Variants in PRR5L observed in about 807,000 individuals in gnomAD.
The protein encoded by PRR5L is proline-rich protein 5-like.
In PRR5L, 21 loss-of-function variants were observed where a neutral mutation model predicts 36.4. The observed-to-expected ratio is 0.58, with a 90% confidence interval of 0.41 to 0.83. PRR5L has a LOEUF of 0.83. PRR5L is among the 40% of genes least tolerant of loss of function. PRR5L has a pLI of 0.00. For synonymous variants in PRR5L, 188 were observed against 197.0 expected (o/e 0.95, Z 0.38); for missense variants, 381 against 473.3 (o/e 0.80, Z 1.81).
At chr11:36,311,472 G>T (rs189558355) in intron 1 of PRR5L, among the ~76,000 whole-genome samples, 1 of 152,228 alleles carries the variant, frequency 6.6e-6, no homozygotes, top group East Asian at 1.9e-4. Flanking sequence ...AGGCTATGCT[G>T]GGTTGAATTT....
chr11:36,411,218 C>T (rs1487643723), intron 3 of PRR5L, among the ~76,000 whole-genome samples: 1 of 152,196 alleles, frequency 6.6e-6, no homozygotes, highest in Non-Finnish European at 1.5e-5. Flanking sequence ...CACTTCCGCG[C>T]TTGCCCACTC....
intron 1 of PRR5L, among the ~76,000 whole-genome samples, chr11:36,337,313 C>T (rs1856777847): frequency 6.6e-6 from 1 of 152,154 alleles, no homozygotes; most frequent in Non-Finnish European, 1.5e-5. Context: ...CTACTTGCCC[C>T]TTCCGGCTTC....
At position 36,419,277 on chromosome 11, in the gene PRR5L, G is replaced by A; in HGVS notation, c.268G>A (p.Gly90Arg). ...CAGGCGGCTGTTGAAGAGTGAACTT[G>A]GATCATTCATTACAGACTATTTTCA... ...NIRRLLKSEL[G>R]SFITDYFQNQ... The change falls in exon 4 of 9, where the codon GGA (glycine) becomes AGA (arginine). Residue 90 changes from glycine (G) to arginine (R), a missense_variant. Physicochemically the swap from Gly to Arg is moderately radical, Grantham distance 125. Coordinates refer to ENST00000530639, the MANE Select transcript of PRR5L (RefSeq NM_001160167.2). The A allele has an allele frequency of 6.2e-7, 1 of 1,614,064 alleles. No individual in the cohort carries two copies. The highest frequency in any genetic ancestry group is 8.5e-7 in the Non-Finnish European group (1 of 1,179,938).
rs866924836 is a variant in PRR5L, at chr11:36,403,350, G to A, written c.217G>A (p.Glu73Lys). ...VFKGGGLQSN[E>K]LYALNENIRR... ...CAAAGGGGGTGGCTTGCAAAGCAAC[G>A]AGCTCTATGCCCTGAACGAAAACAT... The change falls in exon 3 of 9, where the codon GAG (glutamate) becomes AAG (lysine). Residue 73 changes from glutamate to lysine, a missense_variant. Physicochemically the swap from Glu to Lys is moderately conservative, Grantham distance 56. Coordinates refer to ENST00000530639, the MANE Select transcript of PRR5L (RefSeq NM_001160167.2). The A allele has an allele frequency of 3.7e-6, 6 of 1,614,102 alleles. No homozygotes were observed. The highest frequency in any genetic ancestry group is 4.5e-5 in the East Asian group (2 of 44,876).
intron 6 of PRR5L, among the ~76,000 whole-genome samples, chr11:36,442,234 T>C (rs1858737025): frequency 6.6e-6 from 1 of 152,242 alleles, no homozygotes; most frequent in Non-Finnish European, 1.5e-5. Flanking sequence ...TTTTATGCTC[T>C]GTTTTCCTTT....
chr11:36,401,128 C>A lies in PRR5L; in HGVS notation c.7C>A (p.Arg3Ser). MT[R>S]GFAPILPVEF... ...TGAACTGTCACCAGGACTTATGACC[C>A]GCGGCTTCGCTCCCATTCTGCCCGT... is the stretch of plus-strand genomic sequence containing the variant. Residue 3 changes from arginine to serine, a missense_variant, in exon 2 of 9, where the codon CGC (arginine) becomes AGC (serine). By Grantham distance (110) the Arg-to-Ser change is moderately radical (BLOSUM62 -1). Transcript: ENST00000530639. 17 of 1,614,062 alleles carry A rather than the reference C, an allele frequency of 1.1e-5. No individual in the cohort carries two copies. The highest frequency in any genetic ancestry group is 1.4e-5 in the Non-Finnish European group (17 of 1,179,968).
At chr11:36,457,056 G>A (rs1210561816) in intron 8 of PRR5L, among the ~76,000 whole-genome samples, 4 of 152,198 alleles carry the variant, frequency 2.6e-5, no homozygotes, top group Non-Finnish European at 4.4e-5. Flanking sequence ...GCCCTCCAAG[G>A]ATCACTGGAG....
chr11:36,329,213 G>C (rs979125253), intron 1 of PRR5L: 1 of 152,102 alleles, frequency 6.6e-6, no homozygotes, highest in Non-Finnish European at 1.5e-5. Context: ...TTATCGTCAT[G>C]GTTATTTCCT....
chr11:36,428,844 G>A (rs924086417), intron 4 of PRR5L, among the ~76,000 whole-genome samples: 9 of 151,970 alleles, frequency 5.9e-5, no homozygotes, highest in Non-Finnish European at 8.8e-5. Flanking sequence ...AAATGTGTGT[G>A]ACCAATTGAT....
rs144327827 is a variant in PRR5L at position 36,323,732 on chromosome 11, C to T, written c.-126+27294C>T. ...CTGTTAAGCATTGGGAGAAGGCCTA[C>T]TAAAAATTATTTGAAGGTTGTGAGC... On this transcript the variant is annotated intron_variant, in intron 1 of 8. Transcript: ENST00000530639. 4.5e-3 allele frequency among the ~76,000 whole-genome samples: 680 copies of T among 152,286 alleles called. 2 individuals carry two copies. Among genetic ancestry groups the T allele is most frequent in the Non-Finnish European group, 7.4e-3 (502 of 68,018 alleles).
intron 3 of PRR5L, among the ~76,000 whole-genome samples, chr11:36,409,300 G>A (rs926010754): frequency 5.9e-5 from 9 of 152,170 alleles, no homozygotes; most frequent in Admixed American, 5.9e-4. Context: ...GAAGTTTCCG[G>A]AAACCAGAGA....
At chr11:36,391,808 T>G (rs1215889193) in intron 1 of PRR5L, among the ~76,000 whole-genome samples, 2 of 152,238 alleles carry the variant, frequency 1.3e-5, no homozygotes, top group Admixed American at 6.5e-5. Context: ...CTTCAAGCAT[T>G]TCTCCTTTCT....
In PRR5L at chr11:36,354,291, T is replaced by G. The variant is rs1385488095; in HGVS notation, c.-125-46706T>G. On this transcript the variant is annotated intron_variant, in intron 1 of 8. Transcript: ENST00000530639. ...AAACATGGAACAAACCTATGGAAGC[T>G]GCTCTAGTTATCTTTCAGTTTATAC... 2.6e-5 allele frequency among the ~76,000 whole-genome samples: 4 copies of G among 152,360 alleles called. No homozygotes were observed. The East Asian group carries it at 5.8e-4, about 22-fold the overall frequency.
chr11:36,336,053 G>A lies in PRR5L; in HGVS notation c.-126+39615G>A, dbSNP rs891872161. On this transcript the variant is annotated intron_variant, in intron 1 of 8. Coordinates refer to ENST00000530639, the MANE Select transcript of PRR5L (RefSeq NM_001160167.2). ...CATGAGGTTCGAGGAGAGAGCACCA[G>A]CCTGGACAACCCTTCTTCCCATGGG... Among the ~76,000 whole-genome samples, 3 of 152,154 alleles carry A rather than the reference G, an allele frequency of 2.0e-5. 1 individual carries two copies.
intron 4 of PRR5L, among the ~76,000 whole-genome samples, chr11:36,421,957 GCATTGAGTTGAT>G (rs772239582): frequency 2.5e-4 from 38 of 152,306 alleles, no homozygotes; most frequent in African/African-American, 8.7e-4. Context: ...TATTTTGTTG[GCATTGAGTTGAT>G]CATTGAGTTC....
In PRR5L at chr11:36,423,886, G is replaced by A. The variant is rs77460107; in HGVS notation, c.294+4583G>A. Among the ~76,000 whole-genome samples, 755 of 152,306 alleles carry A rather than the reference G, an allele frequency of 5.0e-3. 13 individuals are homozygous for A. Among genetic ancestry groups the A allele is most frequent in the East Asian group, 0.042 (220 of 5,180 alleles). On this transcript the variant is annotated intron_variant, in intron 4 of 8. Transcript: ENST00000530639. ...AAGCTCCCACTGGCCACTGTGAGGG[G>A]CGAGAATGAGGGGGAGCCAGACTGG...
At chr11:36,307,440 G>A (rs1326437749) in intron 1 of PRR5L, among the ~76,000 whole-genome samples, 1 of 152,214 alleles carries the variant, frequency 6.6e-6, no homozygotes, top group Non-Finnish European at 1.5e-5. Flanking sequence ...CATAGGGCAA[G>A]CTTCAGGGGA....
At chr11:36,459,872 G>A (rs922962893) in intron 8 of PRR5L, among the ~76,000 whole-genome samples, 4 of 152,176 alleles carry the variant, frequency 2.6e-5, no homozygotes, top group East Asian at 1.9e-4. Flanking sequence ...ACATTTACTC[G>A]GAGGGCCCCA....
chr11:36,374,911 C>T (rs1665831659), intron 1 of PRR5L, among the ~76,000 whole-genome samples: 1 of 152,150 alleles, frequency 6.6e-6, no homozygotes, highest in Admixed American at 6.5e-5. Context: ...TTAGACGAGC[C>T]TCTTTTAAGT....
Sources: gnomAD v4.1 joint callset for allele counts (sites outside exome capture counted in the v4.1 genomes callset) on GRCh38, gnomAD v4.1.1 for gene constraint, MANE v1.5 for transcripts, NCBI Gene and HGNC (gene_info 2026-07-23, HGNC 2026-07-21) for gene names.